The following DSG3 variants were observed in gnomAD, a reference collection of about 807,000 sequenced individuals.
DSG3 encodes the protein desmoglein 3.
Under a neutral mutation model 85.9 loss-of-function variants are expected in DSG3, and 63 were observed. That is an observed-to-expected ratio of 0.73 (90% CI 0.60 to 0.90). The LOEUF (loss-of-function observed/expected upper bound fraction) is 0.90, where lower values mean the gene tolerates loss of function less well. DSG3 is among the 40% of genes least tolerant of loss of function. DSG3 has a pLI of 0.00. For missense variants in DSG3, 1,220 were observed against 1,219.9 expected (o/e 1.00, Z 0.00); for synonymous variants, 447 against 441.9 (o/e 1.01, Z -0.14).
In DSG3 at chr18:31,472,721, G is replaced by A. The variant is rs1260490919; in HGVS notation, c.2038-4G>A. On this transcript the variant is annotated splice_polypyrimidine_tract_variant and splice_region_variant and intron_variant, in intron 13 of 15. Transcript: ENST00000257189. Reference sequence around the variant, plus strand: ...AATGAATTTATTTTTCACATGGTTTGCAGGAAATCACAAATATTTGTGTGC... The same window carrying A: ...AATGAATTTATTTTTCACATGGTTTACAGGAAATCACAAATATTTGTGTGC... 5 of 1,613,618 alleles carry A rather than the reference G, an allele frequency of 3.1e-6. No individual in the cohort carries two copies. Among genetic ancestry groups the A allele is most frequent in the African/African-American group, 1.3e-5 (1 of 74,924 alleles).
chr18:31,451,674 T>C (rs1262695989), intron 1 of DSG3, among the ~76,000 whole-genome samples: 7 of 152,248 alleles, frequency 4.6e-5, no homozygotes, highest in Non-Finnish European at 8.8e-5. Context: ...AAAAAGTTAA[T>C]ATTCTAAAAT....
chr18:31,474,126 T>C lies in DSG3; in HGVS notation c.2107T>C (p.Cys703Arg), dbSNP rs745862184. ...GADFMESSEV[C>R]TNTYARGTAV... ...ATGTTCTCCCTTGTTTTTAGAAGTTTGTACAAATACGTATGCCAGAGGCAC... is the reference window on the plus strand; with the variant it reads ...ATGTTCTCCCTTGTTTTTAGAAGTTCGTACAAATACGTATGCCAGAGGCAC... Residue 703 changes from cysteine (C) to arginine (R), a missense_variant, in exon 15 of 16, where the codon TGT becomes CGT. By Grantham distance (180) the Cys-to-Arg change is radical. Coordinates refer to ENST00000257189, the MANE Select transcript of DSG3 (RefSeq NM_001944.3). 8 of 1,608,880 alleles carry C rather than the reference T, an allele frequency of 5.0e-6. No homozygotes were observed. In the South Asian group the frequency reaches 6.6e-5, roughly 13 times the overall value.
rs2072900527 is a variant in DSG3 at position 31,478,110 on chromosome 18, G to GTGC, written c.*1857_*1859dup. 6.6e-6 allele frequency: 1 copy of GTGC among 152,146 alleles called. No homozygotes were observed. The highest frequency in any genetic ancestry group is 1.9e-4 in the East Asian group (1 of 5,180). 9.4% of individuals were successfully genotyped at this position (152,146 alleles called of 1,614,324 possible). A position where few individuals can be genotyped will look rare whatever the true frequency, so the allele number is the denominator to read the frequency against. Reference sequence around the variant, plus strand: ...GCAGCCTGTGCTTCCACAGATGGGGGTGCTGCTGCAACAAGGCTTTCAATG... The same window carrying GTGC: ...GCAGCCTGTGCTTCCACAGATGGGGGTGCTGCTGCTGCAACAAGGCTTTCAATG... On this transcript the variant is annotated 3_prime_UTR_variant, in exon 16 of 16. Coordinates refer to ENST00000257189, the MANE Select transcript of DSG3 (RefSeq NM_001944.3).
Position 31,466,574 on chromosome 18 carries a change from C to T in DSG3, c.1456C>T (p.Pro486Ser), listed in dbSNP as rs747842005. ...TSTGTVYVRV[P>S]DFNDNCPTAV... Reference sequence around the variant, plus strand: ...TACAGGCACGGTATATGTTAGAGTACCCGATTTCAATGACAATTGTCCAAC... The same window carrying T: ...TACAGGCACGGTATATGTTAGAGTATCCGATTTCAATGACAATTGTCCAAC... The change falls in exon 11 of 16, where the codon CCC becomes TCC. Residue 486 changes from proline to serine, a missense_variant. By Grantham distance (74) the Pro-to-Ser change is moderately conservative. Coordinates refer to ENST00000257189, the MANE Select transcript of DSG3 (RefSeq NM_001944.3). 9 of 1,614,068 alleles carry T rather than the reference C, an allele frequency of 5.6e-6. No individual in the cohort carries two copies. In the African/African-American group the frequency reaches 1.1e-4, roughly 19 times the overall value.
At chr18:31,461,033 C>T in intron 7 of DSG3, 72 bp downstream of exon 7, 10 of 1,435,040 alleles carry the variant, frequency 7.0e-6, no homozygotes, top group Non-Finnish European at 9.3e-6. Flanking sequence ...TCAGGACTTG[C>T]CTGTTTGTTG....
In DSG3 at chr18:31,456,947, A is replaced by C. The variant is rs374746132; in HGVS notation, c.85-46A>C. 31 of 1,576,508 alleles carry C rather than the reference A, an allele frequency of 2.0e-5. No individual in the cohort carries two copies. The East Asian group carries it at 2.5e-4, about 13-fold the overall frequency. ...GTCTGTAATCAATATTCTAAGCAAA[A>C]ATTGCCATTAATTTCCATAACAAAT... is the stretch of plus-strand genomic sequence containing the variant. On this transcript the variant is annotated intron_variant, in intron 2 of 15. Coordinates refer to ENST00000257189, the MANE Select transcript of DSG3 (RefSeq NM_001944.3).
In DSG3 at chr18:31,478,107, G is replaced by C. The variant is rs563107528; in HGVS notation, c.*1847G>C. On this transcript the variant is annotated 3_prime_UTR_variant, in exon 16 of 16. Coordinates refer to ENST00000257189, the MANE Select transcript of DSG3 (RefSeq NM_001944.3). ...CAGGCAGCCTGTGCTTCCACAGATG[G>C]GGGTGCTGCTGCAACAAGGCTTTCA... The C allele has an allele frequency of 1.3e-5, 2 of 152,264 alleles. No homozygotes were observed. The highest frequency in any genetic ancestry group is 2.1e-4 in the South Asian group (1 of 4,824). 9.4% of individuals were successfully genotyped at this position (152,264 alleles called of 1,614,324 possible). A position where few individuals can be genotyped will look rare whatever the true frequency, so the allele number is the denominator to read the frequency against.
intron 15 of DSG3, among the ~76,000 whole-genome samples, chr18:31,474,668 T>C (rs1222206250): frequency 6.6e-6 from 1 of 152,064 alleles, no homozygotes; most frequent in Admixed American, 6.6e-5. Flanking sequence ...GGTGGGAGGA[T>C]TGCTTGCACC....
At chr18:31,456,247 T>C (rs1372387234) in intron 1 of DSG3, among the ~76,000 whole-genome samples, 193 bp from the exon 2 acceptor site, 1 of 152,248 alleles carries the variant, frequency 6.6e-6, no homozygotes, top group Non-Finnish European at 1.5e-5. Context: ...TGGAATGTGT[T>C]TATATTGACA....
At position 31,450,655 on chromosome 18, in the gene DSG3, T is replaced by C. The variant is rs193045678; in HGVS notation, c.48+2730T>C. ...ACAGTGAGAAATAATAGCAAAGTCA[T>C]AGACTTAAATCTCTGGCTATGCCAC... On this transcript the variant is annotated intron_variant, in intron 1 of 15. Coordinates refer to ENST00000257189, the MANE Select transcript of DSG3 (RefSeq NM_001944.3). Among the ~76,000 whole-genome samples, 17 of 152,284 alleles carry C rather than the reference T, an allele frequency of 1.1e-4. No individual in the cohort carries two copies. The East Asian group carries it at 3.1e-3, about 28-fold the overall frequency.
At chr18:31,459,249 T>C (rs529366088) in intron 5 of DSG3, 72 bp downstream of exon 5, 18 of 1,386,340 alleles carry the variant, frequency 1.3e-5, no homozygotes, top group Admixed American at 2.4e-5. Context: ...CAATATGTCA[T>C]TCTTATAAAC....
At chr18:31,462,998 G>A (rs1462019099) in intron 8 of DSG3, among the ~76,000 whole-genome samples, 1 of 152,138 alleles carries the variant, frequency 6.6e-6, no homozygotes, top group African/African-American at 2.4e-5. Flanking sequence ...AGAAGCCCAG[G>A]CAGCAGTGGG....
At chr18:31,473,666 T>C (rs2072868871) in intron 14 of DSG3, among the ~76,000 whole-genome samples, 1 of 152,214 alleles carries the variant, frequency 6.6e-6, no homozygotes, top group South Asian at 2.1e-4. Context: ...GGCTGAATAG[T>C]CATGATTTGT....
chr18:31,468,067 A>G (rs2072832905), intron 11 of DSG3, among the ~76,000 whole-genome samples: 1 of 152,230 alleles, frequency 6.6e-6, no homozygotes, highest in African/African-American at 2.4e-5. Flanking sequence ...GCACAATGTC[A>G]AAGGATATGG....
intron 4 of DSG3, among the ~76,000 whole-genome samples, 182 bp downstream of exon 4, chr18:31,458,782 G>A (rs566405671): frequency 6.6e-6 from 1 of 152,330 alleles, no homozygotes; most frequent in Admixed American, 6.5e-5. Context: ...GGGTGCATGA[G>A]TGAGGGTTGA....
At chr18:31,452,525 A>C (rs1438389008) in intron 1 of DSG3, among the ~76,000 whole-genome samples, 1 of 83,748 alleles carries the variant, frequency 1.2e-5, no homozygotes, top group East Asian at 2.7e-4. Context: ...CTCAAAAAAA[A>C]AAAAAAAAAA....
In DSG3 at chr18:31,475,769, A is replaced by G. The variant is rs537511389; in HGVS notation, c.2509A>G (p.Ile837Val). 1.5e-4 allele frequency: 246 copies of G among 1,614,144 alleles called. 2 individuals are homozygous for G. In the South Asian group the frequency reaches 2.5e-3, roughly 16 times the overall value. Residue 837 changes from isoleucine to valine, a missense_variant, in exon 16 of 16, where the codon ATT (isoleucine) becomes GTT (valine). Ile to Val is a conservative substitution (Grantham distance 29, BLOSUM62 3). Transcript: ENST00000257189. ...GGGCTCCGTGGGTTGTTGCAGTTTT[A>G]TTGCTGATGACCTGGATGACAGCTT... ...PVGSVGCCSFIADDLDDSFLD... is the reference protein window; with the variant it reads ...PVGSVGCCSFVADDLDDSFLD...
rs1293512398 is a variant in DSG3 at position 31,474,182 on chromosome 18, G to C, written c.2163G>C (p.Met721Ile). 6.2e-7 allele frequency: 1 copy of C among 1,614,218 alleles called. No individual in the cohort carries two copies. Among genetic ancestry groups the C allele is most frequent in the Non-Finnish European group, 8.5e-7 (1 of 1,180,024 alleles). The change falls in exon 15 of 16, where the codon ATG (methionine) becomes ATC (isoleucine). Residue 721 changes from methionine (M) to isoleucine (I), a missense_variant. Physicochemically the swap from Met to Ile is conservative, Grantham distance 10 (BLOSUM62 1). Coordinates refer to ENST00000257189, the MANE Select transcript of DSG3 (RefSeq NM_001944.3). The stretch of plus-strand genomic sequence containing the variant: ...TGGAAGGCACTTCAGGAATGGAAAT[G>C]ACCACTAAGCTTGGAGCAGCCACTG... ...TAVEGTSGME[M>I]TTKLGAATES...
At chr18:31,468,945 G>A (rs759279973) in intron 11 of DSG3, 144 bp from the exon 12 acceptor site, 328 of 1,212,870 alleles carry the variant, frequency 2.7e-4, no homozygotes, top group Non-Finnish European at 3.7e-4. Flanking sequence ...CCTTGATATT[G>A]AGCTTCCCAA....
Sources: allele counts gnomAD v4.1 joint callset (sites outside exome capture counted in the v4.1 genomes callset), GRCh38; gene constraint gnomAD v4.1.1; transcripts MANE v1.5; gene names NCBI Gene and HGNC (gene_info 2026-07-23, HGNC 2026-07-21).